ZNF287: variants seen among roughly 807,000 people sequenced by gnomAD.
ZNF287 encodes the protein zinc finger protein with KRAB and SCAN domains 13.
A neutral mutation model predicts 73.7 loss-of-function variants in ZNF287; 31 were observed. The ratio of observed to expected loss-of-function variants is 0.42; its 90% CI spans 0.32 to 0.57. ZNF287 has a LOEUF of 0.57. ZNF287 is among the 20% of genes least tolerant of loss of function. ZNF287 has a pLI of 0.13. For missense variants in ZNF287, 641 were observed against 909.3 expected, an observed-to-expected ratio of 0.70 and a Z score of 3.79; for synonymous variants, 301 against 307.2, an observed-to-expected ratio of 0.98 and a Z score of 0.21.
chr17:16,555,741 ATTAC>A (rs1250820656), intron 5 of ZNF287, among the ~76,000 whole-genome samples: 4 of 152,148 alleles, frequency 2.6e-5, no homozygotes, highest in Admixed American at 2.6e-4. Context: ...TTCTCGTATA[ATTAC>A]TTAACACAAA....
In ZNF287 at chr17:16,552,213, A is replaced by G. The variant is rs774192752; in HGVS notation, c.1929T>C (p.Asn643=). The part of the protein sequence containing the change: ...VHLTQHQRIH[N]GEKPFKCNIC... The stretch of plus-strand genomic sequence containing the variant: ...TATTGCATTTAAAGGGTTTTTCTCC[A>G]TTATGAATCCTCTGATGTTGAGTAA... The change falls in exon 6 of 6, where the codon AAT becomes AAC. Residue 643 remains asparagine, a synonymous_variant. Coordinates refer to ENST00000395825, the MANE Select transcript of ZNF287 (RefSeq NM_020653.4). The surrounding 1 kb of genome is among the most constrained non-coding windows in gnomAD (Gnocchi z 6.5). The G allele has an allele frequency of 2.5e-6, 4 of 1,614,022 alleles. No homozygotes were observed. Among genetic ancestry groups the G allele is most frequent in the Non-Finnish European group, 3.4e-6 (4 of 1,179,982 alleles).
rs1380793728 is a variant in ZNF287 at position 16,569,112 on chromosome 17, G to C, written c.-359C>G. The C allele has an allele frequency of 3.9e-5, 6 of 152,460 alleles. No homozygotes were observed. Among genetic ancestry groups the C allele is most frequent in the Non-Finnish European group, 2.9e-5 (2 of 68,238 alleles). 9.4% of individuals were successfully genotyped at this position (152,460 alleles called of 1,614,324 possible). ...TTCCCCGCAAAGCACAGAGTGTCCC[G>C]GCCAGGAGCTGCACGTTCCAGCCCG... On this transcript the variant is annotated 5_prime_UTR_variant, in exon 1 of 6. Coordinates refer to ENST00000395825, the MANE Select transcript of ZNF287 (RefSeq NM_020653.4).
chr17:16,567,791 T>A lies in ZNF287; in HGVS notation c.-60A>T. 1 of 1,536,312 alleles carries A rather than the reference T, an allele frequency of 6.5e-7. No individual in the cohort carries two copies. On this transcript the variant is annotated 5_prime_UTR_variant, in exon 2 of 6. Transcript: ENST00000395825. The stretch of plus-strand genomic sequence containing the variant: ...TTTATTTCTCCAGTAGTGAGCCAAC[T>A]GCTTGAAGTCTCATGCTAGAGTCAC...
intron 2 of ZNF287, 123 bp downstream of exon 2, chr17:16,567,206 T>C (rs1216708030): frequency 2.2e-6 from 3 of 1,355,898 alleles, no homozygotes; most frequent in Non-Finnish European, 3.0e-6. Flanking sequence ...TCTTTCTTTT[T>C]AAAAAATGCA....
At chr17:16,559,565 A>G (rs2142481171) in intron 5 of ZNF287, among the ~76,000 whole-genome samples, 1 of 116,604 alleles carries the variant, frequency 8.6e-6, no homozygotes, top group East Asian at 2.8e-4. Flanking sequence ...CCTGACTTAA[A>G]AGAACTAACA....
intron 5 of ZNF287, among the ~76,000 whole-genome samples, chr17:16,557,471 C>G (rs1907148450): frequency 1.3e-5 from 2 of 152,076 alleles, no homozygotes; most frequent in Admixed American, 6.6e-5. Context: ...CAAACCAATA[C>G]TACTATTCTG....
At chr17:16,560,467 A>G (rs1422582252) in intron 5 of ZNF287, among the ~76,000 whole-genome samples, 2 of 151,202 alleles carry the variant, frequency 1.3e-5, no homozygotes, top group African/African-American at 2.4e-5. Flanking sequence ...CTCCTGCCTC[A>G]GCCTCCCGAG....
intron 5 of ZNF287, among the ~76,000 whole-genome samples, chr17:16,557,157 A>G: frequency 6.6e-6 from 1 of 152,178 alleles, no homozygotes; most frequent in East Asian, 1.9e-4. Context: ...ATAAACGCAC[A>G]TTTTAAACAA....
In ZNF287 at chr17:16,550,573, C is replaced by T. The variant is rs1358174277; in HGVS notation, c.*1283G>A. On this transcript the variant is annotated 3_prime_UTR_variant, in exon 6 of 6. Transcript: ENST00000395825. ...TGGGATATAGGTAGCATTTGGCAACCCATTTTAGCAGGTTGCTTATGCTCA... is the reference window on the plus strand; with the variant it reads ...TGGGATATAGGTAGCATTTGGCAACTCATTTTAGCAGGTTGCTTATGCTCA... 6.6e-6 allele frequency among the ~76,000 whole-genome samples: 1 copy of T among 152,154 alleles called. No homozygotes were observed. Among genetic ancestry groups the T allele is most frequent in the African/African-American group, 2.4e-5 (1 of 41,444 alleles).
Position 16,548,949 on chromosome 17 carries a change from T to A in ZNF287, c.*2907A>T, listed in dbSNP as rs150276659. Among the ~76,000 whole-genome samples the A allele has an allele frequency of 6.0e-3, 911 of 152,146 alleles. 5 individuals carry two copies. The highest frequency in any genetic ancestry group is 0.017 in the African/African-American group (720 of 41,532). On this transcript the variant is annotated 3_prime_UTR_variant, in exon 6 of 6. Transcript: ENST00000395825. The stretch of plus-strand genomic sequence containing the variant: ...AGGGAATTACTATTTGTTTTTTTTT[T>A]AAAGGTATGTAAATGTATTGTGGTT...
Position 16,552,883 on chromosome 17 carries a change from C to G in ZNF287, c.1259G>C (p.Gly420Ala). 6.2e-7 allele frequency: 1 copy of G among 1,614,154 alleles called. No homozygotes were observed. Among genetic ancestry groups the G allele is most frequent in the East Asian group, 2.2e-5 (1 of 44,880 alleles). Residue 420 changes from glycine to alanine, a missense_variant, in exon 6 of 6, where the codon GGA becomes GCA. By Grantham distance (60) the Gly-to-Ala change is moderately conservative (BLOSUM62 0). Around this residue, in one of 2 missense-constraint regions of ZNF287, gnomAD observed 284 missense variants for 466.8 expected, o/e 0.61. Transcript: ENST00000395825. The surrounding 1 kb of genome is among the most constrained non-coding windows in gnomAD (Gnocchi z 6.5). Reference sequence around the variant, plus strand: ...CTGGTGGCATTCATATGGTTTTTCTCCAGTGTGCATTCTCTGATGTGCAAT... The same window carrying G: ...CTGGTGGCATTCATATGGTTTTTCTGCAGTGTGCATTCTCTGATGTGCAAT... ...SLIAHQRMHTGEKPYECHQCG... is the reference protein window; with the variant it reads ...SLIAHQRMHTAEKPYECHQCG...
rs1906732923 is a variant in ZNF287 at position 16,552,369 on chromosome 17, G to A, written c.1773C>T (p.Ser591=). Residue 591 remains serine (S), a synonymous_variant, in exon 6 of 6, where the codon TCC becomes TCT. Coordinates refer to ENST00000395825, the MANE Select transcript of ZNF287 (RefSeq NM_020653.4). The surrounding 1 kb of genome is among the most constrained non-coding windows in gnomAD (Gnocchi z 6.5). ...CTTTCCCACATATATTACATATATAGGATTTCTCTCCAGTGTGAGTGGTTT... is the reference window on the plus strand; with the variant it reads ...CTTTCCCACATATATTACATATATAAGATTTCTCTCCAGTGTGAGTGGTTT... ...QHQTTHTGEK[S]YICNICGKAF... is the part of the protein sequence containing the mutation. 1.2e-6 allele frequency: 2 copies of A among 1,613,782 alleles called. No individual in the cohort carries two copies. Among genetic ancestry groups the A allele is most frequent in the Non-Finnish European group, 1.7e-6 (2 of 1,179,908 alleles).
chr17:16,550,091 GTAAA>G lies in ZNF287; in HGVS notation c.*1761_*1764del, dbSNP rs1376631358. Among the ~76,000 whole-genome samples, 1 of 152,112 alleles carries G rather than the reference GTAAA, an allele frequency of 6.6e-6. No homozygotes were observed. Among genetic ancestry groups the G allele is most frequent in the East Asian group, 1.9e-4 (1 of 5,194 alleles). The stretch of plus-strand genomic sequence containing the variant: ...CCTTATATTCTGGTAGTGGAATGCT[GTAAA>G]TATGAAATACAATAGTATTTTTATC... On this transcript the variant is annotated 3_prime_UTR_variant, in exon 6 of 6. Coordinates refer to ENST00000395825, the MANE Select transcript of ZNF287 (RefSeq NM_020653.4).
At chr17:16,563,629 G>A (rs2142498261) in intron 4 of ZNF287, 70 bp downstream of exon 4, 1 of 1,518,576 alleles carries the variant, frequency 6.6e-7, no homozygotes, top group Non-Finnish European at 8.9e-7. Flanking sequence ...TTTTAGCCAA[G>A]CATGTCTGAG....
In ZNF287 at chr17:16,552,967, T is replaced by C; in HGVS notation, c.1175A>G (p.Lys392Arg). ...SLLKHQSTHA[K>R]EKSYECEECG... ...TTCTTCACATTCATACGATTTCTCT[T>C]TGGCATGGGTACTTTGGTGTTTCAG... The change falls in exon 6 of 6, where the codon AAA (lysine) becomes AGA (arginine). Residue 392 changes from lysine to arginine, a missense_variant. By Grantham distance (26) the Lys-to-Arg change is conservative. This residue lies in a region of ZNF287 where 284 missense variants were observed against 466.8 expected (regional missense o/e 0.61). Coordinates refer to ENST00000395825, the MANE Select transcript of ZNF287 (RefSeq NM_020653.4). The surrounding 1 kb of genome is among the most constrained non-coding windows in gnomAD (Gnocchi z 6.5). 6.2e-7 allele frequency: 1 copy of C among 1,614,158 alleles called. No individual in the cohort carries two copies. The highest frequency in any genetic ancestry group is 1.1e-5 in the South Asian group (1 of 91,072).
chr17:16,552,918 G>A lies in ZNF287; in HGVS notation c.1224C>T (p.Ile408=). 6.2e-7 allele frequency: 1 copy of A among 1,614,148 alleles called. No homozygotes were observed. The highest frequency in any genetic ancestry group is 8.5e-7 in the Non-Finnish European group (1 of 1,180,018). Residue 408 remains isoleucine (I), a synonymous_variant, in exon 6 of 6, where the codon ATC becomes ATT. Transcript: ENST00000395825. The surrounding 1 kb of genome is among the most constrained non-coding windows in gnomAD (Gnocchi z 6.5). ...CEECGKEFRH[I]SSLIAHQRMH... ...TTCTCTGATGTGCAATAAGGGATGAGATATGCCTAAACTCTTTCCCACATT... is the reference window on the plus strand; with the variant it reads ...TTCTCTGATGTGCAATAAGGGATGAAATATGCCTAAACTCTTTCCCACATT...
rs1197502983 is a variant in ZNF287, at chr17:16,547,460, T to C, written c.*4396A>G. Among the ~76,000 whole-genome samples the C allele has an allele frequency of 1.3e-5, 2 of 152,218 alleles. No homozygotes were observed. Among genetic ancestry groups the C allele is most frequent in the Non-Finnish European group, 2.9e-5 (2 of 68,034 alleles). Reference sequence around the variant, plus strand: ...CTTTCTAGCATACATAACATGGAAGTGTTCTCTCCAATTTAGGTGCATGCT... The same window carrying C: ...CTTTCTAGCATACATAACATGGAAGCGTTCTCTCCAATTTAGGTGCATGCT... On this transcript the variant is annotated 3_prime_UTR_variant, in exon 6 of 6. Transcript: ENST00000395825.
chr17:16,563,363 A>G, intron 4 of ZNF287, 131 bp from the exon 5 acceptor site: 1 of 648,522 alleles, frequency 1.5e-6, no homozygotes, highest in Non-Finnish European at 2.6e-6. Context: ...ATGATCTAAT[A>G]AGAGAATTAG....
rs1906631606 is a variant in ZNF287, at chr17:16,551,198, A to G, written c.*658T>C. ...GGGAAGGGAGTCCTTTACATATTTTAAGGCTTCAAAGCTGGGAATAAAAGG... is the reference window on the plus strand; with the variant it reads ...GGGAAGGGAGTCCTTTACATATTTTGAGGCTTCAAAGCTGGGAATAAAAGG... On this transcript the variant is annotated 3_prime_UTR_variant, in exon 6 of 6. Transcript: ENST00000395825. Among the ~76,000 whole-genome samples the G allele has an allele frequency of 6.6e-6, 1 of 152,082 alleles. No individual in the cohort carries two copies. Among genetic ancestry groups the G allele is most frequent in the Admixed American group, 6.6e-5 (1 of 15,258 alleles).
Sources: gnomAD v4.1 joint callset for allele counts (sites outside exome capture counted in the v4.1 genomes callset) on GRCh38, gnomAD v4.1.1 for gene constraint, gnomAD v4.1.1 regional missense constraint, Gnocchi (gnomAD v3.1) non-coding constraint, MANE v1.5 for transcripts, NCBI Gene and HGNC (gene_info 2026-07-23, HGNC 2026-07-21) for gene names.